Variants in COX16 observed in about 807,000 individuals in gnomAD.
COX16 encodes the protein cytochrome c oxidase assembly factor COX16.
Under a neutral mutation model 15.4 loss-of-function variants are expected in COX16, and 12 were observed. The observed-to-expected ratio is 0.78, with a 90% CI of 0.50 to 1.26. The LOEUF (loss-of-function observed/expected upper bound fraction) is 1.26. Ranked by LOEUF, COX16 falls within the 50% of genes most tolerant of loss-of-function variation. The pLI is 0.00. For missense variants in COX16, 124 were observed against 127.6 expected, an observed-to-expected ratio of 0.97 and a Z score of 0.14; for synonymous variants, 46 against 41.1, an observed-to-expected ratio of 1.12 and a Z score of -0.46.
chr14:70,337,432 CT>C (rs1440570592), intron 2 of COX16, among the ~76,000 whole-genome samples: 1 of 152,010 alleles, frequency 6.6e-6, no homozygotes, highest in Admixed American at 6.6e-5. Context: ...TGGCTCACTC[CT>C]GGATGATAGT....
At chr14:70,358,946 G>A (rs1594931935) in intron 1 of COX16, among the ~76,000 whole-genome samples, 1 of 152,090 alleles carries the variant, frequency 6.6e-6, no homozygotes, top group East Asian at 1.9e-4. Flanking sequence ...AATCATTCTG[G>A]CTACAATGTG....
At chr14:70,338,603 T>G (rs999782968) in intron 2 of COX16, among the ~76,000 whole-genome samples, 9 of 152,140 alleles carry the variant, frequency 5.9e-5, no homozygotes, top group African/African-American at 2.2e-4. Context: ...CCATAGGATA[T>G]TTTAGTAGTT....
chr14:70,350,344 C>A (rs561236914), intron 1 of COX16, among the ~76,000 whole-genome samples: 4 of 152,260 alleles, frequency 2.6e-5, no homozygotes, highest in African/African-American at 9.6e-5. Flanking sequence ...ACTTTCGTCC[C>A]GTCCTCACTT....
At chr14:70,350,053 A>G (rs1442983016) in intron 1 of COX16, among the ~76,000 whole-genome samples, 1 of 152,198 alleles carries the variant, frequency 6.6e-6, no homozygotes, top group Non-Finnish European at 1.5e-5. Flanking sequence ...GTTATTGAGA[A>G]AGTCATCCCT....
At chr14:70,347,094 A>G (rs898769666) in intron 1 of COX16, among the ~76,000 whole-genome samples, 1 of 151,852 alleles carries the variant, frequency 6.6e-6, no homozygotes, top group South Asian at 2.1e-4. Flanking sequence ...ATTACCCTTA[A>G]AGAGTCCACC....
intron 1 of COX16, among the ~76,000 whole-genome samples, chr14:70,358,377 T>TA (rs1566608561): frequency 4.1e-5 from 5 of 123,028 alleles, no homozygotes; most frequent in African/African-American, 1.0e-4. Context: ...AACAATTTTT[T>TA]TTTTTTTTTT....
chr14:70,327,813 G>A (rs980714536), intron 3 of COX16, among the ~76,000 whole-genome samples: 9 of 152,048 alleles, frequency 5.9e-5, no homozygotes, highest in African/African-American at 1.2e-4. Context: ...TCTACAAAAC[G>A]TGCACAGTGG....
rs1169817408 is a variant in COX16 at position 70,326,114 on chromosome 14, C to T, written c.*219G>A. ...TTTTTATTTCGAGGTGTAAAATATA[C>T]GTGGCCAACATTGTTACTTTCATCC... On this transcript the variant is annotated 3_prime_UTR_variant, in exon 4 of 4. Transcript: ENST00000389912. The T allele has an allele frequency of 1.8e-5, 5 of 285,134 alleles. No homozygotes were observed. Among genetic ancestry groups the T allele is most frequent in the African/African-American group, 6.6e-5 (3 of 45,602 alleles). The allele number at this position is 285,134 out of a possible 1,614,324, so 17.7% of individuals were successfully genotyped here.
rs952312461 is a variant in COX16, at chr14:70,353,437, CACAT to C, written c.69+6078_69+6081del. 5.4e-5 allele frequency among the ~76,000 whole-genome samples: 8 copies of C among 146,844 alleles called. 1 individual carries two copies. Among genetic ancestry groups the C allele is most frequent in the Admixed American group, 3.4e-4 (5 of 14,748 alleles). On this transcript the variant is annotated intron_variant, in intron 1 of 3. Transcript: ENST00000389912. ...ACATATATATACACACACATATACACACATATATATACACACATATATAAATATA... is the reference window on the plus strand; with the variant it reads ...ACATATATATACACACACATATACACATATATACACACATATATAAATATA...
intron 2 of COX16, among the ~76,000 whole-genome samples, chr14:70,336,685 C>A (rs1886467385): frequency 6.6e-6 from 1 of 152,120 alleles, no homozygotes; most frequent in Non-Finnish European, 1.5e-5. Context: ...AGAGATATAT[C>A]TGTACTTTGT....
At chr14:70,352,732 G>A (rs1401141367) in intron 1 of COX16, among the ~76,000 whole-genome samples, 13 of 134,432 alleles carry the variant, frequency 9.7e-5, no homozygotes, top group African/African-American at 3.6e-4. Flanking sequence ...TGCAACCTCT[G>A]CCTCCCGGGT....
intron 1 of COX16, among the ~76,000 whole-genome samples, chr14:70,353,461 A>AT (rs1566606498): frequency 6.8e-6 from 1 of 146,800 alleles, no homozygotes; most frequent in African/African-American, 2.5e-5. Context: ...CACATATATA[A>AT]ATATATATAT....
chr14:70,325,312 TG>T lies in COX16; in HGVS notation c.*1020del, dbSNP rs1035842961. 9 of 152,240 alleles carry T rather than the reference TG, an allele frequency of 5.9e-5. No homozygotes were observed. The highest frequency in any genetic ancestry group is 2.2e-4 in the African/African-American group (9 of 41,448). The allele number at this position is 152,240 out of a possible 1,614,324, so 9.4% of individuals were successfully genotyped here. A position where few individuals can be genotyped will look rare whatever the true frequency, so the allele number is the denominator to read the frequency against. On this transcript the variant is annotated 3_prime_UTR_variant, in exon 4 of 4. Transcript: ENST00000389912. ...ACAACTAACTTTCGGCCAGGCGTGG[TG>T]GCTCACACCTGTAATCCCAGCAATT...
intron 1 of COX16, among the ~76,000 whole-genome samples, chr14:70,357,483 T>C (rs1236333997): frequency 6.6e-6 from 1 of 152,194 alleles, no homozygotes; most frequent in African/African-American, 2.4e-5. Flanking sequence ...CAAAAAAGCA[T>C]GCAGAGCCTC....
At chr14:70,345,365 G>A (rs1378149903) in intron 1 of COX16, among the ~76,000 whole-genome samples, 15 of 152,166 alleles carry the variant, frequency 9.9e-5, no homozygotes, top group Admixed American at 9.8e-4. Context: ...TTCCAGGAAC[G>A]AAAAAGGCAG....
At chr14:70,352,639 TTTTTTC>T (rs762832241) in intron 1 of COX16, among the ~76,000 whole-genome samples, 24,957 of 121,000 alleles carry the variant, frequency 0.21, 2,956 homozygotes, top group South Asian at 0.31. Context: ...ATATTTCTTT[TTTTTTC>T]TTTTTTTTTT....
Position 70,330,020 on chromosome 14 carries a change from G to A in COX16, c.142-784C>T, listed in dbSNP as rs989824910. Among the ~76,000 whole-genome samples, 3 of 152,072 alleles carry A rather than the reference G, an allele frequency of 2.0e-5. No homozygotes were observed. In the East Asian group the frequency reaches 5.8e-4, roughly 29 times the overall value. ...AAGTTCCAGAATTAGAAAATAAAGGGGAGGGAGAGCAATAATTAAATAAAA... is the reference window on the plus strand; with the variant it reads ...AAGTTCCAGAATTAGAAAATAAAGGAGAGGGAGAGCAATAATTAAATAAAA... On this transcript the variant is annotated intron_variant, in intron 2 of 3. Coordinates refer to ENST00000389912, the MANE Select transcript of COX16 (RefSeq NM_016468.7).
Position 70,326,098 on chromosome 14 carries a change from C to T in COX16, c.*235G>A, listed in dbSNP as rs1431862084. The stretch of plus-strand genomic sequence containing the variant: ...GGAGCAGTATTCACATTTTTTATTT[C>T]GAGGTGTAAAATATACGTGGCCAAC... On this transcript the variant is annotated 3_prime_UTR_variant, in exon 4 of 4. Coordinates refer to ENST00000389912, the MANE Select transcript of COX16 (RefSeq NM_016468.7). 4 of 246,314 alleles carry T rather than the reference C, an allele frequency of 1.6e-5. No individual in the cohort carries two copies. The highest frequency in any genetic ancestry group is 5.4e-5 in the Admixed American group (1 of 18,542). The allele number at this position is 246,314 out of a possible 1,614,324, so 15.3% of individuals were successfully genotyped here.
chr14:70,344,504 G>C (rs999995300), intron 1 of COX16, among the ~76,000 whole-genome samples: 1 of 152,214 alleles, frequency 6.6e-6, no homozygotes, highest in Non-Finnish European at 1.5e-5. Flanking sequence ...GGCGGTTTCA[G>C]TATTGCTACA....
Sources: allele counts gnomAD v4.1 joint callset (sites outside exome capture counted in the v4.1 genomes callset), GRCh38; gene constraint gnomAD v4.1.1; transcripts MANE v1.5; gene names NCBI Gene and HGNC (gene_info 2026-07-23, HGNC 2026-07-21).